PLK1: variants seen among roughly 807,000 people sequenced by gnomAD.
PLK1 encodes the protein polo like kinase 1, also known as serine/threonine-protein kinase PLK1.
A neutral mutation model predicts 56.7 loss-of-function variants in PLK1; 6 were observed. The ratio of observed to expected loss-of-function variants is 0.11; its 90% CI spans 0.06 to 0.21. The LOEUF is 0.21. PLK1 is among the 10% of genes least tolerant of loss of function. The pLI is 1.00. For synonymous variants in PLK1, 298 were observed against 325.0 expected (o/e 0.92, Z 0.89); for missense variants, 546 against 814.4 (o/e 0.67, Z 4.01).
At chr16:23,681,443 C>A (rs537339922) in intron 3 of PLK1, among the ~76,000 whole-genome samples, 1 of 152,272 alleles carries the variant, frequency 6.6e-6, no homozygotes, top group African/African-American at 2.4e-5. Flanking sequence ...TTCCCTTGCA[C>A]AATAAGGTCT....
intron 2 of PLK1, among the ~76,000 whole-genome samples, 154 bp downstream of exon 2, chr16:23,680,406 A>G (rs572301622): frequency 2.6e-5 from 4 of 152,224 alleles, no homozygotes; most frequent in African/African-American, 4.8e-5. Context: ...TTTTTTTTAC[A>G]AAGAATTTGA....
intron 3 of PLK1, among the ~76,000 whole-genome samples, chr16:23,681,288 A>G (rs993013447): frequency 2.0e-5 from 3 of 152,088 alleles, no homozygotes; most frequent in African/African-American, 4.8e-5. Flanking sequence ...AGGAGGAGGG[A>G]GAGTCTCCAC....
At chr16:23,683,392 G>C (rs972956454) in intron 4 of PLK1, among the ~76,000 whole-genome samples, 1 of 152,202 alleles carries the variant, frequency 6.6e-6, no homozygotes, top group African/African-American at 2.4e-5. Context: ...TAGTGTCCTT[G>C]TGTGAAGCCA....
At chr16:23,682,993 T>TC (rs1311752829) in intron 4 of PLK1, among the ~76,000 whole-genome samples, 7 of 141,030 alleles carry the variant, frequency 5.0e-5, no homozygotes, top group Non-Finnish European at 6.2e-5. Context: ...TTCTTTTTTT[T>TC]TTTTTTTTTT....
chr16:23,686,231 G>T (rs1959425274), intron 5 of PLK1, among the ~76,000 whole-genome samples: 1 of 151,814 alleles, frequency 6.6e-6, no homozygotes, highest in Non-Finnish European at 1.5e-5. Context: ...TAGAGATGAG[G>T]TCTTGCCCAC....
At chr16:23,684,921 GGGCTGAGATTACAGGCGTGAACCACCA>G (rs1959400878) in intron 5 of PLK1, among the ~76,000 whole-genome samples, 1 of 132,904 alleles carries the variant, frequency 7.5e-6, no homozygotes, top group Admixed American at 8.3e-5. Flanking sequence ...GCCTCCCAAA[GGGCTGAGATTACAGGCGTGAACCACCA>G]GGCCCGGCCT....
At position 23,684,038 on chromosome 16, in the gene PLK1, C is replaced by T. The variant is rs1452140119; in HGVS notation, c.985C>T (p.Pro329Ser). ...CATTCCACCAAGGTTTTCGATTGCT[C>T]CCAGCAGCCTGGACCCCAGCAACCG... ...LTIPPRFSIA[P>S]SSLDPSNRKP... Residue 329 changes from proline to serine, a missense_variant, in exon 5 of 10, where the codon CCC (proline) becomes TCC (serine). Pro to Ser is a moderately conservative substitution (Grantham distance 74, BLOSUM62 -1). Transcript: ENST00000300093. 2.5e-6 allele frequency: 4 copies of T among 1,614,044 alleles called. No individual in the cohort carries two copies. The African/African-American group carries it at 5.3e-5, about 22-fold the overall frequency.
chr16:23,689,170 C>T lies in PLK1; in HGVS notation c.1271-68C>T. The T allele has an allele frequency of 7.1e-7, 1 of 1,412,958 alleles. No individual in the cohort carries two copies. Among genetic ancestry groups the T allele is most frequent in the Non-Finnish European group, 9.9e-7 (1 of 1,012,392 alleles). The allele number at this position is 1,412,958 out of a possible 1,614,324, so 87.5% of individuals were successfully genotyped here. ...AAGTGCTGGAATCACAGGCATGTGC[C>T]ACCACGCCCGGTCCCACTCCCCACT... On this transcript the variant is annotated intron_variant, in intron 7 of 9. Transcript: ENST00000300093. This position sits in a 1 kb window ranked among gnomAD's most constrained non-coding sequence, Gnocchi z 4.8.
Position 23,679,196 on chromosome 16 carries a change from G to A in PLK1, c.264G>A (p.Leu88=), listed in dbSNP as rs1398969650. The A allele has an allele frequency of 1.9e-6, 3 of 1,614,080 alleles. No individual in the cohort carries two copies. Among genetic ancestry groups the A allele is most frequent in the Non-Finnish European group, 2.5e-6 (3 of 1,180,030 alleles). The change falls in exon 1 of 10, where the codon CTG becomes CTA. Residue 88 remains leucine (L), a synonymous_variant. Transcript: ENST00000300093. ...CGGGCAAGATTGTGCCTAAGTCTCTGCTGCTCAAGCCGCACCAGAGGGAGA... is the reference window on the plus strand; with the variant it reads ...CGGGCAAGATTGTGCCTAAGTCTCTACTGCTCAAGCCGCACCAGAGGGAGA... The part of the protein sequence containing the change: ...VFAGKIVPKS[L]LLKPHQREKM...
chr16:23,679,204 A>G lies in PLK1; in HGVS notation c.272A>G (p.Lys91Arg), dbSNP rs1429623555. The stretch of plus-strand genomic sequence containing the variant: ...ATTGTGCCTAAGTCTCTGCTGCTCA[A>G]GCCGCACCAGAGGGAGAAGATGTCC... ...GKIVPKSLLL[K>R]PHQREKMSME... The change falls in exon 1 of 10, where the codon AAG (lysine) becomes AGG (arginine). Residue 91 changes from lysine to arginine, a missense_variant. This residue lies in a region of PLK1 where 111 missense variants were observed against 211.8 expected (regional missense o/e 0.52). Coordinates refer to ENST00000300093, the MANE Select transcript of PLK1 (RefSeq NM_005030.6). 1.2e-6 allele frequency: 2 copies of G among 1,614,020 alleles called. No individual in the cohort carries two copies. The highest frequency in any genetic ancestry group is 2.2e-5 in the East Asian group (1 of 44,878).
rs762224700 is a variant in PLK1, at chr16:23,689,261, G to A, written c.1294G>A (p.Val432Met). The A allele has an allele frequency of 2.1e-5, 34 of 1,613,452 alleles. 1 individual carries two copies. The highest frequency in any genetic ancestry group is 4.0e-5 in the African/African-American group (3 of 74,886). Residue 432 changes from valine (V) to methionine (M), a missense_variant, in exon 8 of 10, where the codon GTG becomes ATG. Around this residue, in one of 7 missense-constraint regions of PLK1, gnomAD observed 113 missense variants for 202.0 expected, o/e 0.56. Transcript: ENST00000300093. The surrounding 1 kb of genome is among the most constrained non-coding windows in gnomAD (Gnocchi z 4.8). ...GLGYQLCDNS[V>M]GVLFNDSTRL... The stretch of plus-strand genomic sequence containing the variant: ...AGGGTATCAGCTCTGTGATAACAGC[G>A]TGGGGGTGCTCTTCAATGACTCAAC...
chr16:23,680,366 C>G (rs1959312115), intron 2 of PLK1, 114 bp downstream of exon 2: 4 of 785,598 alleles, frequency 5.1e-6, no homozygotes, highest in Non-Finnish European at 8.2e-6. Flanking sequence ...CCTACAGATG[C>G]ATTATTTTTT....
chr16:23,684,920 A>AGG (rs1959400723), intron 5 of PLK1, among the ~76,000 whole-genome samples: 1 of 126,420 alleles, frequency 7.9e-6, no homozygotes, highest in Non-Finnish European at 1.6e-5. Context: ...GGCCTCCCAA[A>AGG]GGGCTGAGAT....
intron 6 of PLK1, 183 bp downstream of exon 6, chr16:23,687,807 G>A (rs570064338): frequency 2.7e-5 from 11 of 409,872 alleles, no homozygotes; most frequent in East Asian, 7.2e-5. Context: ...TTTCTGATCC[G>A]TCTTTTTTAC....
rs1178119402 is a variant in PLK1 at position 23,689,592 on chromosome 16, G to GC, written c.1527dup (p.Tyr510LeufsTer171). 6.2e-7 allele frequency: 1 copy of GC among 1,613,490 alleles called. No homozygotes were observed. Among genetic ancestry groups the GC allele is most frequent in the Admixed American group, 1.7e-5 (1 of 60,018 alleles). On this transcript the variant is annotated frameshift_variant, in exon 9 of 10. Coordinates refer to ENST00000300093, the MANE Select transcript of PLK1 (RefSeq NM_005030.6). LOFTEE classifies it high-confidence loss of function. The surrounding 1 kb of genome is among the most constrained non-coding windows in gnomAD (Gnocchi z 4.8). The stretch of plus-strand genomic sequence containing the variant: ...GCGAAGGTGATGAGCTCGCCCGGCT[G>GC]CCCTACCTACGGACCTGGTTCCGCA...
At chr16:23,683,287 C>T (rs757396910) in intron 4 of PLK1, among the ~76,000 whole-genome samples, 5 of 152,072 alleles carry the variant, frequency 3.3e-5, no homozygotes, top group African/African-American at 7.2e-5. Context: ...CCACCGCGCC[C>T]GGCCATGGTG....
At position 23,689,784 on chromosome 16, in the gene PLK1, C is replaced by A; in HGVS notation, c.1609-76C>A. On this transcript the variant is annotated intron_variant, in intron 9 of 9. Transcript: ENST00000300093. The surrounding 1 kb of genome is among the most constrained non-coding windows in gnomAD (Gnocchi z 4.8). Reference sequence around the variant, plus strand: ...AGTGAGCGGCTCAGGTACCTATAACCTGTTGTGTCTTCCCTCTACTCCCTA... The same window carrying A: ...AGTGAGCGGCTCAGGTACCTATAACATGTTGTGTCTTCCCTCTACTCCCTA... 1 of 1,525,050 alleles carries A rather than the reference C, an allele frequency of 6.6e-7. No individual in the cohort carries two copies. The highest frequency in any genetic ancestry group is 9.0e-7 in the Non-Finnish European group (1 of 1,105,732). The allele number at this position is 1,525,050 out of a possible 1,614,324, so 94.5% of individuals were successfully genotyped here. A position where few individuals can be genotyped will look rare whatever the true frequency, so the allele number is the denominator to read the frequency against.
At chr16:23,679,365 G>A in intron 1 of PLK1, 25 bp downstream of exon 1, 2 of 1,596,082 alleles carry the variant, frequency 1.3e-6, no homozygotes, top group South Asian at 1.1e-5. Context: ...TGGGGAACTG[G>A]AACTGCCTGC....
Position 23,689,118 on chromosome 16 carries a change from A to C in PLK1, c.1271-120A>C. On this transcript the variant is annotated intron_variant, in intron 7 of 9. Coordinates refer to ENST00000300093, the MANE Select transcript of PLK1 (RefSeq NM_005030.6). This position sits in a 1 kb window ranked among gnomAD's most constrained non-coding sequence, Gnocchi z 4.8. ...AGGCTGGTCTCAAACTCCTGGGCTCAAACAATCCTCCTCCCTCAGCCTCCC... is the reference window on the plus strand; with the variant it reads ...AGGCTGGTCTCAAACTCCTGGGCTCCAACAATCCTCCTCCCTCAGCCTCCC... 1.1e-6 allele frequency: 1 copy of C among 883,878 alleles called. No individual in the cohort carries two copies. The highest frequency in any genetic ancestry group is 1.8e-6 in the Non-Finnish European group (1 of 550,942). 54.8% of individuals were successfully genotyped at this position (883,878 alleles called of 1,614,324 possible).
Sources: gnomAD v4.1 joint callset for allele counts (sites outside exome capture counted in the v4.1 genomes callset) on GRCh38, gnomAD v4.1.1 for gene constraint, gnomAD v4.1.1 regional missense constraint, Gnocchi (gnomAD v3.1) non-coding constraint, MANE v1.5 for transcripts, NCBI Gene and HGNC (gene_info 2026-07-23, HGNC 2026-07-21) for gene names.